BBX: variants seen among roughly 807,000 people sequenced by gnomAD.
BBX encodes BBX high mobility group box domain containing.
In BBX, 30 loss-of-function variants were observed where a neutral mutation model predicts 100.2. The observed-to-expected ratio is 0.30, with a 90% confidence interval of 0.22 to 0.41. The LOEUF is 0.41. Ranked by LOEUF, BBX falls within the 10% of genes least tolerant of loss-of-function variation. The pLI is 1.00. For synonymous variants in BBX, 376 were observed against 388.1 expected (o/e 0.97, Z 0.37); for missense variants, 1,023 against 1,129.8 (o/e 0.91, Z 1.35).
intron 2 of BBX, among the ~76,000 whole-genome samples, chr3:107,553,247 T>C (rs1397394535): frequency 2.0e-5 from 3 of 152,256 alleles, no homozygotes; most frequent in African/African-American, 4.8e-5. Flanking sequence ...GACAATGTGA[T>C]AGATATTTTA....
chr3:107,759,657 T>C (rs1380064466), intron 10 of BBX, among the ~76,000 whole-genome samples: 1 of 152,164 alleles, frequency 6.6e-6, no homozygotes, highest in Non-Finnish European at 1.5e-5. Flanking sequence ...TCACAGTAGT[T>C]ATTGAGGATG....
intron 2 of BBX, among the ~76,000 whole-genome samples, chr3:107,551,126 A>G (rs2107424226): frequency 6.6e-6 from 1 of 152,364 alleles, no homozygotes. Flanking sequence ...TTTACAGCAC[A>G]GTTCAATATT....
At chr3:107,529,931 T>C (rs889000818) in intron 2 of BBX, among the ~76,000 whole-genome samples, 26 of 152,060 alleles carry the variant, frequency 1.7e-4, no homozygotes, top group African/African-American at 5.3e-4. Context: ...TCTAAAAGTA[T>C]ATATAAATAG....
At chr3:107,620,301 C>T (rs770887946) in intron 2 of BBX, among the ~76,000 whole-genome samples, 4 of 152,138 alleles carry the variant, frequency 2.6e-5, no homozygotes, top group South Asian at 2.1e-4. Context: ...GTTTCAGGCA[C>T]GGTTGCTTAT....
chr3:107,762,858 A>G (rs2066005515), intron 10 of BBX, among the ~76,000 whole-genome samples: 1 of 152,204 alleles, frequency 6.6e-6, no homozygotes, highest in Non-Finnish European at 1.5e-5. Flanking sequence ...TTGAAAATTA[A>G]AAATCCAAAA....
chr3:107,666,718 C>G (rs1576251380), intron 3 of BBX, among the ~76,000 whole-genome samples: 1 of 152,130 alleles, frequency 6.6e-6, no homozygotes, highest in African/African-American at 2.4e-5. Context: ...GCTACAGGTG[C>G]GTGCCACCAC....
intron 2 of BBX, among the ~76,000 whole-genome samples, chr3:107,592,414 G>C (rs2053398066): frequency 6.9e-6 from 1 of 144,776 alleles, no homozygotes; most frequent in Non-Finnish European, 1.5e-5. Flanking sequence ...TGTTCTTTGT[G>C]AGATTACTGA....
At chr3:107,610,500 T>C (rs1021641899) in intron 2 of BBX, among the ~76,000 whole-genome samples, 22 of 152,068 alleles carry the variant, frequency 1.4e-4, no homozygotes, top group African/African-American at 5.1e-4. Flanking sequence ...TCTAATAATA[T>C]TTTATTTATG....
intron 10 of BBX, among the ~76,000 whole-genome samples, chr3:107,758,755 T>A (rs2065676555): frequency 6.6e-6 from 1 of 152,046 alleles, no homozygotes; most frequent in African/African-American, 2.4e-5. Context: ...TGCCATTGAG[T>A]CTTGTGTAGA....
chr3:107,584,179 T>A (rs1390433478), intron 2 of BBX, among the ~76,000 whole-genome samples: 3 of 31,074 alleles, frequency 9.7e-5, no homozygotes, highest in East Asian at 8.0e-4. Context: ...TTATATATAT[T>A]ATATATAATA....
At chr3:107,742,789 T>C (rs1447526270) in intron 7 of BBX, among the ~76,000 whole-genome samples, 1 of 152,196 alleles carries the variant, frequency 6.6e-6, no homozygotes, top group East Asian at 1.9e-4. Flanking sequence ...GATGCCTTCA[T>C]AATTATGTGT....
rs573428273 is a variant in BBX at position 107,595,019 on chromosome 3, CAT to C, written c.-83-50815_-83-50814del. Among the ~76,000 whole-genome samples, 17 of 152,334 alleles carry C rather than the reference CAT, an allele frequency of 1.1e-4. No individual in the cohort carries two copies. In the South Asian group the frequency reaches 3.3e-3, roughly 30 times the overall value. ...TTAAAACACGATGTCCCACAGGAAT[CAT>C]AGAACAGAGCAAGAATGCTGCTGCC... is the stretch of plus-strand genomic sequence containing the variant. On this transcript the variant is annotated intron_variant, in intron 2 of 17. Coordinates refer to ENST00000325805, the MANE Select transcript of BBX (RefSeq NM_001142568.3).
intron 5 of BBX, among the ~76,000 whole-genome samples, chr3:107,722,938 G>A (rs765322899): frequency 3.3e-5 from 5 of 151,864 alleles, no homozygotes; most frequent in African/African-American, 7.2e-5. Flanking sequence ...ATTTCTGCTC[G>A]TGGATGGGAA....
chr3:107,542,635 C>A (rs2048938653), intron 2 of BBX, among the ~76,000 whole-genome samples: 1 of 152,170 alleles, frequency 6.6e-6, no homozygotes, highest in Admixed American at 6.5e-5. Flanking sequence ...CTCTTTTATA[C>A]CATGCAACAA....
intron 9 of BBX, among the ~76,000 whole-genome samples, chr3:107,752,474 A>T (rs2065148051): frequency 6.6e-6 from 1 of 152,118 alleles, no homozygotes; most frequent in Admixed American, 6.5e-5. Context: ...ATTATCAGTC[A>T]TTTTCTCCCA....
chr3:107,606,406 T>C (rs569382526), intron 2 of BBX, among the ~76,000 whole-genome samples: 14 of 152,344 alleles, frequency 9.2e-5, no homozygotes, highest in South Asian at 8.3e-4. Flanking sequence ...GGGCTATTCC[T>C]TCAGCCGTTT....
At chr3:107,659,419 T>C (rs1217149157) in intron 3 of BBX, 3 of 155,078 alleles carry the variant, frequency 1.9e-5, no homozygotes, top group Non-Finnish European at 4.3e-5. Flanking sequence ...AATTTTTTGA[T>C]GTAAGTCTAC....
chr3:107,600,125 T>C (rs2107617324), intron 2 of BBX, among the ~76,000 whole-genome samples: 1 of 152,352 alleles, frequency 6.6e-6, no homozygotes, highest in African/African-American at 2.4e-5. Context: ...AAACCATTGA[T>C]GCCTGACCTA....
chr3:107,689,892 T>C (rs1353758748), intron 3 of BBX, among the ~76,000 whole-genome samples: 2 of 152,208 alleles, frequency 1.3e-5, no homozygotes, highest in East Asian at 3.8e-4. Flanking sequence ...GTTTGCTTCT[T>C]AATGACATTA....
Sources: gnomAD v4.1 joint callset for allele counts (sites outside exome capture counted in the v4.1 genomes callset) on GRCh38, gnomAD v4.1.1 for gene constraint, MANE v1.5 for transcripts, NCBI Gene and HGNC (gene_info 2026-07-23, HGNC 2026-07-21) for gene names.